TWF2: variants seen among roughly 807,000 people sequenced by gnomAD.
TWF2 encodes twinfilin actin binding protein 2.
A neutral mutation model predicts 45.1 loss-of-function variants in TWF2; 15 were observed. The ratio of observed to expected loss-of-function variants is 0.33; its 90% CI spans 0.22 to 0.51. The LOEUF is 0.51. TWF2 is among the 20% of genes least tolerant of loss of function. The pLI is 0.97. For synonymous variants in TWF2, 177 were observed against 195.8 expected, an observed-to-expected ratio of 0.90 and a Z score of 0.80; for missense variants, 423 against 469.1, an observed-to-expected ratio of 0.90 and a Z score of 0.91.
At chr3:52,229,809 G>T in intron 7 of TWF2, 27 bp from the exon 8 acceptor site, 1 of 1,604,346 alleles carries the variant, frequency 6.2e-7, no homozygotes, top group Non-Finnish European at 8.5e-7. Context: ...GGTGAGCCTG[G>T]GAGGCCTGAG....
intron 2 of TWF2, among the ~76,000 whole-genome samples, chr3:52,232,501 C>A (rs1460242700): frequency 1.3e-5 from 2 of 152,152 alleles, no homozygotes; most frequent in African/African-American, 2.4e-5. Context: ...AGCCCACAGT[C>A]CCCACGAAAC....
In TWF2 at chr3:52,230,153, T is replaced by C. The variant is rs1699665498; in HGVS notation, c.610-83A>G. The C allele has an allele frequency of 2.1e-6, 3 of 1,449,074 alleles. No homozygotes were observed. The South Asian group carries it at 4.2e-5, about 20-fold the overall frequency. 89.8% of individuals were successfully genotyped at this position (1,449,074 alleles called of 1,614,324 possible). ...CTCCCCAGGAAGCCCTCAAACAGGATTAGCTGGTGGGCAGGAGCCTGATGT... is the reference window on the plus strand; with the variant it reads ...CTCCCCAGGAAGCCCTCAAACAGGACTAGCTGGTGGGCAGGAGCCTGATGT... On this transcript the variant is annotated intron_variant, in intron 6 of 8. Coordinates refer to ENST00000305533, the MANE Select transcript of TWF2 (RefSeq NM_007284.4).
intron 8 of TWF2, among the ~76,000 whole-genome samples, chr3:52,229,409 C>T (rs1699656891): frequency 6.6e-6 from 1 of 152,206 alleles, no homozygotes; most frequent in Admixed American, 6.5e-5. Context: ...ACTCTGCTCG[C>T]TGGGGTCACC....
In TWF2 at chr3:52,229,067, G is replaced by A; in HGVS notation, c.1017C>T (p.Ile339=). The part of the protein sequence containing the change: ...PGGKRGHKRL[I]RGPGENGDDS ...CATCCCCATTTTCACCCGGGCCGCG[G>A]ATGAGGCGCTTATGGCCCCGCTTGC... Residue 339 remains isoleucine, a synonymous_variant, in exon 9 of 9, where the codon ATC becomes ATT. Transcript: ENST00000305533. The A allele has an allele frequency of 6.2e-7, 1 of 1,612,680 alleles. No individual in the cohort carries two copies.
intron 6 of TWF2, 42 bp downstream of exon 6, chr3:52,230,828 G>T: frequency 6.3e-7 from 1 of 1,599,428 alleles, no homozygotes; most frequent in South Asian, 1.1e-5. Flanking sequence ...GCAGGAGTAG[G>T]GGTGGTGGCA....
rs1030556946 is a variant in TWF2 at position 52,239,092 on chromosome 3, G to A, written c.-76C>T. On this transcript the variant is annotated 5_prime_UTR_variant, in exon 1 of 9. Transcript: ENST00000305533. ...GGCCCGGCAACGCTCGCTGGACCAA[G>A]AGAGGTGGAGGATGTGGCGGAGGCT... The A allele has an allele frequency of 6.6e-7, 1 of 1,515,340 alleles. No homozygotes were observed. The highest frequency in any genetic ancestry group is 8.9e-7 in the Non-Finnish European group (1 of 1,123,026). The allele number at this position is 1,515,340 out of a possible 1,614,324, so 93.9% of individuals were successfully genotyped here. A position where few individuals can be genotyped will look rare whatever the true frequency, so the allele number is the denominator to read the frequency against.
chr3:52,230,509 G>C (rs1264095527), intron 6 of TWF2, among the ~76,000 whole-genome samples: 1 of 152,206 alleles, frequency 6.6e-6, no homozygotes, highest in Non-Finnish European at 1.5e-5. Context: ...GGGTGGTCAA[G>C]GAGACAACAG....
intron 1 of TWF2, among the ~76,000 whole-genome samples, chr3:52,236,589 A>C (rs1455138595): frequency 6.6e-6 from 1 of 152,116 alleles, no homozygotes; most frequent in Non-Finnish European, 1.5e-5. Context: ...GAGGTCAGAG[A>C]ATATTTATAG....
intron 8 of TWF2, 102 bp downstream of exon 8, chr3:52,229,559 A>T (rs2107300348): frequency 6.5e-7 from 1 of 1,535,534 alleles, no homozygotes; most frequent in Middle Eastern, 1.8e-4. Context: ...TCAACACGAC[A>T]GCAACGATTC....
At chr3:52,230,173 T>A in intron 6 of TWF2, 103 bp from the exon 7 acceptor site, 1 of 1,394,614 alleles carries the variant, frequency 7.2e-7, no homozygotes, top group Non-Finnish European at 9.5e-7. Flanking sequence ...GGCAGGAGCC[T>A]GATGTGACCT....
rs1699648694 is a variant in TWF2 at position 52,228,719 on chromosome 3, T to G, written c.*315A>C. On this transcript the variant is annotated 3_prime_UTR_variant, in exon 9 of 9. Transcript: ENST00000305533. ...GACCCCACTTCTTGTGGCCAAAGGT[T>G]TCTGGGCTGTGCTGGGACCCTAGTC... 2.8e-6 allele frequency: 1 copy of G among 359,462 alleles called. No individual in the cohort carries two copies. The highest frequency in any genetic ancestry group is 5.1e-6 in the Non-Finnish European group (1 of 196,318). 22.3% of individuals were successfully genotyped at this position (359,462 alleles called of 1,614,324 possible).
intron 1 of TWF2, among the ~76,000 whole-genome samples, chr3:52,237,590 G>A (rs1699739208): frequency 6.6e-6 from 1 of 152,172 alleles, no homozygotes; most frequent in South Asian, 2.1e-4. Flanking sequence ...CTAACTTCCT[G>A]GGATCTCCTC....
At chr3:52,231,300 A>T in intron 4 of TWF2, 69 bp from the exon 5 acceptor site, 6 of 1,589,490 alleles carry the variant, frequency 3.8e-6, no homozygotes, top group Non-Finnish European at 5.2e-6. Flanking sequence ...AGGCCCACGG[A>T]GCACGCCAGC....
intron 2 of TWF2, among the ~76,000 whole-genome samples, chr3:52,233,622 C>G (rs1407725967): frequency 6.6e-6 from 1 of 152,164 alleles, no homozygotes; most frequent in Non-Finnish European, 1.5e-5. Context: ...TCCAGAGATT[C>G]CTCCTGCTTA....
intron 1 of TWF2, among the ~76,000 whole-genome samples, chr3:52,236,297 G>A (rs1699725174): frequency 1.4e-5 from 2 of 140,554 alleles, no homozygotes; most frequent in African/African-American, 2.6e-5. Flanking sequence ...GTGAAACTCC[G>A]CCTCAGAAAA....
chr3:52,230,089 A>G lies in TWF2; in HGVS notation c.610-19T>C. The G allele has an allele frequency of 1.3e-6, 2 of 1,560,658 alleles. No individual in the cohort carries two copies. The highest frequency in any genetic ancestry group is 8.7e-7 in the Non-Finnish European group (1 of 1,154,456). On this transcript the variant is annotated intron_variant, in intron 6 of 8. Coordinates refer to ENST00000305533, the MANE Select transcript of TWF2 (RefSeq NM_007284.4). ...CCAGCTTCTGCCCAGGGCCAAGGGA[A>G]GATGGGAGAGCACCAGGTCGGGGTG...
chr3:52,232,887 G>A (rs570677725), intron 2 of TWF2, among the ~76,000 whole-genome samples: 9 of 152,326 alleles, frequency 5.9e-5, no homozygotes, highest in African/African-American at 2.2e-4. Flanking sequence ...GTAGTGGCCT[G>A]TAATCCCAGC....
chr3:52,238,509 C>G (rs1225267333), intron 1 of TWF2, among the ~76,000 whole-genome samples: 1 of 152,216 alleles, frequency 6.6e-6, no homozygotes, highest in African/African-American at 2.4e-5. Context: ...CACACAGACA[C>G]CCACATACAT....
chr3:52,232,292 A>C, intron 2 of TWF2, 170 bp from the exon 3 acceptor site: 1 of 889,036 alleles, frequency 1.1e-6, no homozygotes, highest in Non-Finnish European at 1.6e-6. Context: ...TGAATGAGTG[A>C]GCAAGGGAAG....
Sources: gnomAD v4.1 joint callset for allele counts (sites outside exome capture counted in the v4.1 genomes callset) on GRCh38, gnomAD v4.1.1 for gene constraint, MANE v1.5 for transcripts, NCBI Gene and HGNC (gene_info 2026-07-23, HGNC 2026-07-21) for gene names.